The following EYA1 variants were observed in gnomAD, a reference collection of about 807,000 sequenced individuals.
The protein encoded by EYA1 is protein phosphatase EYA1.
Under a neutral mutation model 82.0 loss-of-function variants are expected in EYA1, and 16 were observed. The observed-to-expected ratio is 0.20, with a 90% CI of 0.13 to 0.30. EYA1 has a LOEUF of 0.30. EYA1 is among the 10% of genes least tolerant of loss of function. EYA1 has a pLI of 1.00. For synonymous variants in EYA1, 261 were observed against 264.4 expected, an observed-to-expected ratio of 0.99 and a Z score of 0.12; for missense variants, 633 against 730.7, an observed-to-expected ratio of 0.87 and a Z score of 1.54.
chr8:71,535,891 C>A, intron 1 of EYA1: 1 of 540,150 alleles, frequency 1.9e-6, no homozygotes, highest in Non-Finnish European at 3.0e-6. Flanking sequence ...AATTGTGTGG[C>A]ATGAAATTCA....
intron 2 of EYA1, among the ~76,000 whole-genome samples, chr8:71,517,660 A>T (rs545003556): frequency 1.7e-4 from 26 of 150,444 alleles, no homozygotes; most frequent in African/African-American, 6.3e-4. Flanking sequence ...AAGATAAAAG[A>T]TGATCAAGCC....
chr8:71,317,810 A>G, intron 6 of EYA1, 121 bp from the exon 7 acceptor site: 11 of 940,564 alleles, frequency 1.2e-5, no homozygotes, highest in Non-Finnish European at 1.7e-5. Flanking sequence ...CTCAAAAATA[A>G]AGGGTATACA....
chr8:71,378,697 T>A (rs1214565760), intron 2 of EYA1, among the ~76,000 whole-genome samples: 1 of 152,244 alleles, frequency 6.6e-6, no homozygotes, highest in African/African-American at 2.4e-5. Flanking sequence ...AGGTAATATA[T>A]TTTATAATCA....
intron 2 of EYA1, among the ~76,000 whole-genome samples, chr8:71,443,477 C>A (rs943291578): frequency 6.6e-6 from 1 of 152,126 alleles, no homozygotes; most frequent in African/African-American, 2.4e-5. Flanking sequence ...GACAGGGTTT[C>A]GCTATGTTGG....
intron 9 of EYA1, among the ~76,000 whole-genome samples, chr8:71,288,231 G>C (rs13264845): frequency 0.24 from 36,141 of 152,134 alleles, 4,702 homozygotes; most frequent in Admixed American, 0.29. Context: ...TCAAAAATCA[G>C]AAAAGACTTA....
chr8:71,423,133 A>G (rs969527426), intron 2 of EYA1, among the ~76,000 whole-genome samples: 1 of 152,132 alleles, frequency 6.6e-6, no homozygotes, highest in Non-Finnish European at 1.5e-5. Flanking sequence ...TCACAAAGGC[A>G]TTATGTTTTC....
At chr8:71,451,763 TCA>T (rs1807397120) in intron 2 of EYA1, among the ~76,000 whole-genome samples, 1 of 152,208 alleles carries the variant, frequency 6.6e-6, no homozygotes, top group Non-Finnish European at 1.5e-5. Context: ...AGAGATCATT[TCA>T]TCAAGACTTA....
intron 2 of EYA1, among the ~76,000 whole-genome samples, chr8:71,456,449 G>A (rs1464439264): frequency 1.3e-5 from 2 of 152,162 alleles, no homozygotes; most frequent in Non-Finnish European, 2.9e-5. Flanking sequence ...GCATTGCCAA[G>A]TCAATCCTAA....
intron 2 of EYA1, among the ~76,000 whole-genome samples, chr8:71,462,453 A>C (rs929306324): frequency 2.0e-5 from 3 of 152,136 alleles, no homozygotes; most frequent in Non-Finnish European, 4.4e-5. Flanking sequence ...GGGGAATGGG[A>C]GCCTTCCCAG....
intron 2 of EYA1, among the ~76,000 whole-genome samples, chr8:71,438,278 A>C (rs1014599866): frequency 6.6e-6 from 1 of 152,106 alleles, no homozygotes; most frequent in African/African-American, 2.4e-5. Flanking sequence ...AAGACAAGAA[A>C]ACAAATACAT....
intron 2 of EYA1, among the ~76,000 whole-genome samples, chr8:71,461,029 G>A (rs1471636201): frequency 6.6e-6 from 1 of 152,158 alleles, no homozygotes; most frequent in African/African-American, 2.4e-5. Flanking sequence ...TAAAACAATT[G>A]GTTATAAGTA....
At chr8:71,367,904 C>T (rs2129086191) in intron 2 of EYA1, among the ~76,000 whole-genome samples, 1 of 152,274 alleles carries the variant, frequency 6.6e-6, no homozygotes, top group South Asian at 2.1e-4. Context: ...AACAGAATTC[C>T]TTTCTGCAAC....
intron 17 of EYA1, among the ~76,000 whole-genome samples, chr8:71,208,643 G>A (rs752452286): frequency 6.6e-6 from 1 of 152,072 alleles, no homozygotes; most frequent in Non-Finnish European, 1.5e-5. Flanking sequence ...ATGAGTTGAC[G>A]GATGCAGCAA....
rs55719401 is a variant in EYA1 at position 71,278,930 on chromosome 8, T to C, written c.827-7033A>G. Among the ~76,000 whole-genome samples, 1,425 of 152,298 alleles carry C rather than the reference T, an allele frequency of 9.4e-3. 27 individuals are homozygous for C. Among genetic ancestry groups the C allele is most frequent in the African/African-American group, 0.033 (1,353 of 41,552 alleles). On this transcript the variant is annotated intron_variant, in intron 9 of 17. Transcript: ENST00000340726. ...AGGGTGGAGGCCCTCCTCACTCATA[T>C]TGAAGTCTAAGTGAGGTGAAAGACT...
At chr8:71,543,848 A>C (rs1400834532) in intron 1 of EYA1, among the ~76,000 whole-genome samples, 1 of 152,188 alleles carries the variant, frequency 6.6e-6, no homozygotes, top group Non-Finnish European at 1.5e-5. Flanking sequence ...TAATTTTTTT[A>C]GTATTTAATC....
At chr8:71,345,273 T>C (rs1332308971) in intron 3 of EYA1, among the ~76,000 whole-genome samples, 2 of 152,210 alleles carry the variant, frequency 1.3e-5, no homozygotes, top group Non-Finnish European at 2.9e-5. Flanking sequence ...TAACAGATAA[T>C]AATAGCCAGT....
At chr8:71,526,277 ATAAT>A (rs2129277069) in intron 2 of EYA1, among the ~76,000 whole-genome samples, 1 of 150,736 alleles carries the variant, frequency 6.6e-6, no homozygotes, top group African/African-American at 2.4e-5. Context: ...ACATATTTAT[ATAAT>A]TAGTTATACA....
At chr8:71,268,851 T>C (rs1816177202) in intron 11 of EYA1, among the ~76,000 whole-genome samples, 2 of 152,206 alleles carry the variant, frequency 1.3e-5, no homozygotes, top group African/African-American at 2.4e-5. Context: ...TAACAGTATG[T>C]GCATTTTAAT....
chr8:71,493,448 T>C (rs1272686175), intron 2 of EYA1, among the ~76,000 whole-genome samples: 1 of 152,208 alleles, frequency 6.6e-6, no homozygotes, highest in African/African-American at 2.4e-5. Context: ...TAGCCATTTG[T>C]ATACAAACAG....
Sources: allele counts gnomAD v4.1 joint callset (sites outside exome capture counted in the v4.1 genomes callset), GRCh38; gene constraint gnomAD v4.1.1; transcripts MANE v1.5; gene names NCBI Gene and HGNC (gene_info 2026-07-23, HGNC 2026-07-21).